Variants in SPINK6 observed in about 807,000 individuals in gnomAD.
SPINK6 encodes serine protease inhibitor Kazal-type 6.
In SPINK6, 13 loss-of-function variants were observed where a neutral mutation model predicts 11.7. The ratio of observed to expected loss-of-function variants is 1.11; its 90% CI spans 0.72 to 1.76. SPINK6 has a LOEUF of 1.76. Ranked by LOEUF, SPINK6 falls within the 40% of genes most tolerant of loss-of-function variation. SPINK6 has a pLI of 0.00. For missense variants in SPINK6, 98 were observed against 93.7 expected (o/e 1.05, Z -0.19); for synonymous variants, 21 against 31.9 (o/e 0.66, Z 1.15).
At chr5:148,209,013 T>C (rs942803977) in intron 2 of SPINK6, among the ~76,000 whole-genome samples, 2 of 152,226 alleles carry the variant, frequency 1.3e-5, no homozygotes, top group Non-Finnish European at 2.9e-5. Context: ...TCTGTTACAA[T>C]ACTTTTTGAA....
intron 1 of SPINK6, among the ~76,000 whole-genome samples, chr5:148,203,875 C>A (rs1351580804): frequency 6.6e-6 from 1 of 152,098 alleles, no homozygotes; most frequent in East Asian, 1.9e-4. Flanking sequence ...CCATCATAAG[C>A]TATTTTCTTC....
At chr5:148,210,015 T>TATGTATGG (rs1755559533) in intron 2 of SPINK6, among the ~76,000 whole-genome samples, 1 of 12,114 alleles carries the variant, frequency 8.3e-5, no homozygotes, top group Non-Finnish European at 3.6e-4. Context: ...TACATGTATG[T>TATGTATGG]ACGCATGTAC....
At chr5:148,209,991 T>TACCCACGTACGTGTGTATGTATAC (rs1398978551) in intron 2 of SPINK6, among the ~76,000 whole-genome samples, 1 of 145,404 alleles carries the variant, frequency 6.9e-6, no homozygotes. Context: ...TATGTATACA[T>TACCCACGTACGTGTGTATGTATAC]ATACACGTAT....
At chr5:148,205,225 A>G (rs1428151281) in intron 1 of SPINK6, among the ~76,000 whole-genome samples, 6 of 152,140 alleles carry the variant, frequency 3.9e-5, no homozygotes, top group African/African-American at 1.4e-4. Flanking sequence ...ACTCTCTCTC[A>G]TTGCAGTGCT....
At position 148,205,721 on chromosome 5, in the gene SPINK6, G is replaced by A. The variant is rs147088015; in HGVS notation, c.59-315G>A. Among the ~76,000 whole-genome samples the A allele has an allele frequency of 4.5e-3, 690 of 152,196 alleles. 1 individual carries two copies. The highest frequency in any genetic ancestry group is 0.016 in the African/African-American group (644 of 41,540). On this transcript the variant is annotated intron_variant, in intron 1 of 3. Transcript: ENST00000325630. ...GACCAGCGATGATAAGGTCATTTTC[G>A]TAGTAAATTAGTGACTGGGCTAGGA...
intron 2 of SPINK6, among the ~76,000 whole-genome samples, chr5:148,209,110 T>C (rs569327020): frequency 6.6e-6 from 1 of 152,362 alleles, no homozygotes; most frequent in South Asian, 2.1e-4. Flanking sequence ...ATGACTCTAA[T>C]GAGTTTGAAG....
At chr5:148,205,294 A>T (rs2113306185) in intron 1 of SPINK6, among the ~76,000 whole-genome samples, 1 of 152,298 alleles carries the variant, frequency 6.6e-6, no homozygotes, top group African/African-American at 2.4e-5. Context: ...GCCACACATC[A>T]AAACTCAGCA....
At chr5:148,213,436 T>C (rs1346196099) in intron 2 of SPINK6, among the ~76,000 whole-genome samples, 1 of 151,950 alleles carries the variant, frequency 6.6e-6, no homozygotes, top group African/African-American at 2.4e-5. Context: ...CCTGACCTCG[T>C]GATCCGCCCG....
rs561201433 is a variant in SPINK6, at chr5:148,208,950, C to T, written c.81+2892C>T. 1.2e-4 allele frequency among the ~76,000 whole-genome samples: 18 copies of T among 152,192 alleles called. No individual in the cohort carries two copies. In the South Asian group the frequency reaches 3.5e-3, roughly 30 times the overall value. On this transcript the variant is annotated intron_variant, in intron 2 of 3. Coordinates refer to ENST00000325630, the MANE Select transcript of SPINK6 (RefSeq NM_205841.4). ...TAAAGAGCTGTTTAGATGAATAGTTCGAAATGAAATAACCAGAACAAGCCT... is the reference window on the plus strand; with the variant it reads ...TAAAGAGCTGTTTAGATGAATAGTTTGAAATGAAATAACCAGAACAAGCCT...
intron 2 of SPINK6, among the ~76,000 whole-genome samples, chr5:148,213,234 C>T (rs1020105404): frequency 2.0e-5 from 3 of 151,902 alleles, no homozygotes; most frequent in South Asian, 2.1e-4. Context: ...TTTTGTTTGA[C>T]GGCGTCTCAG....
At chr5:148,208,951 G>A (rs765733206) in intron 2 of SPINK6, among the ~76,000 whole-genome samples, 5 of 152,092 alleles carry the variant, frequency 3.3e-5, no homozygotes, top group Admixed American at 6.6e-5. Flanking sequence ...TGAATAGTTC[G>A]AAATGAAATA....
At chr5:148,204,422 T>A (rs1003432507) in intron 1 of SPINK6, among the ~76,000 whole-genome samples, 1 of 150,960 alleles carries the variant, frequency 6.6e-6, no homozygotes, top group Non-Finnish European at 1.5e-5. Context: ...CAAAGGTGAA[T>A]TGATCTTTAA....
Position 148,209,964 on chromosome 5 carries a change from A to G in SPINK6, c.81+3906A>G, listed in dbSNP as rs1561732052. On this transcript the variant is annotated intron_variant, in intron 2 of 3. Transcript: ENST00000325630. Reference sequence around the variant, plus strand: ...TAAAAGGTTTCATATATATGTATACATACATACGTACGTATGTATGTATAC... The same window carrying G: ...TAAAAGGTTTCATATATATGTATACGTACATACGTACGTATGTATGTATAC... Among the ~76,000 whole-genome samples the G allele has an allele frequency of 4.0e-5, 6 of 149,728 alleles. 1 individual carries two copies.
Position 148,213,831 on chromosome 5 carries a change from T to C in SPINK6, c.82-79T>C, listed in dbSNP as rs1306852963. ...ACTATTTATATATGGTTTTTAAAGT[T>C]TGCTGTCTAAAGCTTCTGTTCTGAA... On this transcript the variant is annotated intron_variant, in intron 2 of 3. Transcript: ENST00000325630. 3 of 723,742 alleles carry C rather than the reference T, an allele frequency of 4.1e-6. No individual in the cohort carries two copies. In the East Asian group the frequency reaches 7.5e-5, roughly 18 times the overall value. The allele number at this position is 723,742 out of a possible 1,614,324, so 44.8% of individuals were successfully genotyped here. A position where few individuals can be genotyped will look rare whatever the true frequency, so the allele number is the denominator to read the frequency against.
At chr5:148,212,433 C>T (rs80163040) in intron 2 of SPINK6, among the ~76,000 whole-genome samples, 3,601 of 135,960 alleles carry the variant, frequency 0.026, 118 homozygotes, top group East Asian at 0.12. Context: ...GAGTTTGAGA[C>T]TAGCTAGGGC....
At chr5:148,209,978 A>ATACATACATACGTACGTC (rs1755552517) in intron 2 of SPINK6, among the ~76,000 whole-genome samples, 1 of 130,768 alleles carries the variant, frequency 7.6e-6, no homozygotes, top group African/African-American at 3.0e-5. Context: ...ATACGTACGT[A>ATACATACATACGTACGTC]TGTATGTATA....
chr5:148,206,303 T>A (rs1158613932), intron 2 of SPINK6, among the ~76,000 whole-genome samples: 1 of 152,188 alleles, frequency 6.6e-6, no homozygotes, highest in Non-Finnish European at 1.5e-5. Context: ...GTATCTGGGA[T>A]AAAATTCATG....
At chr5:148,212,570 TTATATA>T (rs1491215520) in intron 2 of SPINK6, among the ~76,000 whole-genome samples, 1 of 109,386 alleles carries the variant, frequency 9.1e-6, no homozygotes, top group East Asian at 2.3e-4. Flanking sequence ...ATAATATATA[TTATATA>T]TTATATAAAT....
In SPINK6 at chr5:148,205,094, A is replaced by C. The variant is rs192246497; in HGVS notation, c.59-942A>C. Among the ~76,000 whole-genome samples, 122 of 152,320 alleles carry C rather than the reference A, an allele frequency of 8.0e-4. 1 individual carries two copies. Among genetic ancestry groups the C allele is most frequent in the Non-Finnish European group, 3.4e-4 (23 of 68,022 alleles). ...AAAAATGAACAGTAACCTTCTTTCA[A>C]ATTAAAAAACAACAGCTTGTTTTCT... On this transcript the variant is annotated intron_variant, in intron 1 of 3. Transcript: ENST00000325630.
Sources: allele counts gnomAD v4.1 joint callset (sites outside exome capture counted in the v4.1 genomes callset), GRCh38; gene constraint gnomAD v4.1.1; transcripts MANE v1.5; gene names NCBI Gene and HGNC (gene_info 2026-07-23, HGNC 2026-07-21).